Variants in DCAKD observed in about 807,000 individuals in gnomAD.
DCAKD encodes the protein dephospho-CoA kinase domain-containing protein.
DCAKD carries 15 observed loss-of-function variants against 18.7 expected under a neutral mutation model. The ratio of observed to expected loss-of-function variants is 0.80; its 90% CI spans 0.54 to 1.24. The LOEUF (loss-of-function observed/expected upper bound fraction) is 1.24. DCAKD is among the 50% of genes most tolerant of loss of function. The probability of loss-of-function intolerance (pLI) is 0.00; values close to 1 mark genes in which losing one functional copy is unlikely to be tolerated. For missense variants in DCAKD, 301 were observed against 322.0 expected (o/e 0.93, Z 0.50); for synonymous variants, 130 against 133.0 (o/e 0.98, Z 0.16).
chr17:45,044,214 T>TC (rs1207312258), intron 1 of DCAKD, among the ~76,000 whole-genome samples: 1 of 151,168 alleles, frequency 6.6e-6, no homozygotes, highest in Non-Finnish European at 1.5e-5. Flanking sequence ...CTCCAACCAC[T>TC]CCCCCCTACA....
chr17:45,033,927 C>T, intron 3 of DCAKD: 1 of 1,499,790 alleles, frequency 6.7e-7, no homozygotes, highest in Non-Finnish European at 8.9e-7. Flanking sequence ...CTAGAAAAAC[C>T]AACTTACTTC....
chr17:45,058,552 TG>T (rs1295863704), intron 1 of DCAKD, among the ~76,000 whole-genome samples: 1 of 151,908 alleles, frequency 6.6e-6, no homozygotes, highest in Admixed American at 6.6e-5. Context: ...CCCAAGTAGC[TG>T]GGATTATAGG....
Position 45,024,595 on chromosome 17 carries a change from G to T in DCAKD, c.534C>A (p.Asn178Lys). 6.2e-7 allele frequency: 1 copy of T among 1,614,194 alleles called. No homozygotes were observed. The highest frequency in any genetic ancestry group is 2.2e-5 in the East Asian group (1 of 44,884). ...KARMARHVLD[N>K]SGEWSVTKRQ... The stretch of plus-strand genomic sequence containing the variant: ...GTTTGGTGACACTCCACTCGCCCGA[G>T]TTGTCTAGGACATGGCGGGCCATGC... The change falls in exon 5 of 5, where the codon AAC becomes AAA. Residue 178 changes from asparagine to lysine, a missense_variant. Physicochemically the swap from Asn to Lys is moderately conservative, Grantham distance 94. Transcript: ENST00000651974.
chr17:45,046,615 CAAA>C (rs746591313), intron 1 of DCAKD, among the ~76,000 whole-genome samples: 1 of 50,166 alleles, frequency 2.0e-5, no homozygotes. Context: ...GATTCCATCT[CAAA>C]AAAAAAAAAA....
At chr17:45,038,733 G>C (rs1268324461) in intron 1 of DCAKD, among the ~76,000 whole-genome samples, 1 of 152,070 alleles carries the variant, frequency 6.6e-6, no homozygotes, top group Non-Finnish European at 1.5e-5. Flanking sequence ...TGCCTTGACC[G>C]AGTGTCTGTG....
Position 45,024,235 on chromosome 17 carries a change from T to G in DCAKD, c.*198A>C. Reference sequence around the variant, plus strand: ...TTTCTTGATCTCAAATAGGATACACTCCAAAGACGGGATGGCCTGGCACAG... The same window carrying G: ...TTTCTTGATCTCAAATAGGATACACGCCAAAGACGGGATGGCCTGGCACAG... On this transcript the variant is annotated 3_prime_UTR_variant, in exon 5 of 5. Coordinates refer to ENST00000651974, the MANE Select transcript of DCAKD (RefSeq NM_001288655.2). 1.5e-6 allele frequency: 1 copy of G among 673,086 alleles called. No homozygotes were observed. The highest frequency in any genetic ancestry group is 2.4e-6 in the Non-Finnish European group (1 of 417,674). The allele number at this position is 673,086 out of a possible 1,614,324, so 41.7% of individuals were successfully genotyped here.
intron 1 of DCAKD, among the ~76,000 whole-genome samples, chr17:45,060,238 T>C (rs928940226): frequency 2.6e-5 from 4 of 152,066 alleles, no homozygotes; most frequent in Non-Finnish European, 5.9e-5. Context: ...AAAGAGTTGA[T>C]GTGGGCTGGG....
chr17:45,028,099 T>A (rs2143177902), intron 4 of DCAKD, among the ~76,000 whole-genome samples: 1 of 151,394 alleles, frequency 6.6e-6, no homozygotes, highest in East Asian at 2.0e-4. Flanking sequence ...TCTTCTCATC[T>A]ACACTCTAAG....
intron 1 of DCAKD, among the ~76,000 whole-genome samples, chr17:45,038,911 G>A (rs1005014499): frequency 1.3e-5 from 2 of 152,222 alleles, no homozygotes; most frequent in Non-Finnish European, 2.9e-5. Context: ...CATCCACTGA[G>A]CATCTCTGTG....
rs916286343 is a variant in DCAKD, at chr17:45,047,504, C to CTT, written c.-115+3855_-115+3856dup. Among the ~76,000 whole-genome samples, 176 of 124,460 alleles carry CTT rather than the reference C, an allele frequency of 1.4e-3. 1 individual carries two copies. Among genetic ancestry groups the CTT allele is most frequent in the Admixed American group, 2.8e-3 (32 of 11,534 alleles). The allele number at this position is 124,460 out of a possible 152,430, so 81.7% of individuals were successfully genotyped here. A position where few individuals can be genotyped will look rare whatever the true frequency, so the allele number is the denominator to read the frequency against. ...TTTGCTGGGTTGCCCTGGCTAGTCT[C>CTT]TTTTTTTTTTTTTTTTTTTGAGATG... On this transcript the variant is annotated intron_variant, in intron 1 of 4. Transcript: ENST00000651974.
intron 1 of DCAKD, among the ~76,000 whole-genome samples, chr17:45,046,339 C>A (rs1248362579): frequency 2.6e-5 from 4 of 152,142 alleles, no homozygotes; most frequent in African/African-American, 9.7e-5. Context: ...TCTGGCTGGG[C>A]ACGGCGGCTC....
At chr17:45,049,713 C>CTT (rs57106886) in intron 1 of DCAKD, among the ~76,000 whole-genome samples, 15,335 of 111,108 alleles carry the variant, frequency 0.14, 1,410 homozygotes, top group Non-Finnish European at 0.18. Flanking sequence ...TTTTCTTTTC[C>CTT]TTTTTTTTTT....
At chr17:45,044,255 C>T (rs2053510809) in intron 1 of DCAKD, among the ~76,000 whole-genome samples, 1 of 152,132 alleles carries the variant, frequency 6.6e-6, no homozygotes. Flanking sequence ...CCCCAATGTC[C>T]CCACAGTCCC....
At chr17:45,054,250 A>T (rs552339993), upstream of DCAKD, 99 of 425,596 alleles carry the variant, frequency 2.3e-4, no homozygotes, top group South Asian at 5.8e-4. Flanking sequence ...AGACAGTTTT[A>T]TTTATTTTTT....
intron 1 of DCAKD, among the ~76,000 whole-genome samples, chr17:45,040,654 G>A (rs543969573): frequency 2.8e-4 from 42 of 152,246 alleles, no homozygotes; most frequent in Middle Eastern, 3.4e-3. Context: ...TGATCCCAGG[G>A]AAGCCACACC....
chr17:45,048,733 G>C (rs2053626788), intron 1 of DCAKD, among the ~76,000 whole-genome samples: 1 of 152,054 alleles, frequency 6.6e-6, no homozygotes, highest in Non-Finnish European at 1.5e-5. Context: ...TTGAACCTAG[G>C]AGGTAGAGGC....
intron 1 of DCAKD, among the ~76,000 whole-genome samples, chr17:45,050,492 G>C (rs566916353): frequency 2.0e-4 from 30 of 152,206 alleles, no homozygotes; most frequent in Non-Finnish European, 2.4e-4. Context: ...TCAGACCTTG[G>C]TGAAGACAGA....
At chr17:45,029,961 G>A in intron 4 of DCAKD, 131 bp downstream of exon 4, 1 of 811,984 alleles carries the variant, frequency 1.2e-6, no homozygotes, top group East Asian at 2.5e-5. Context: ...TACAGACCCT[G>A]AGCACTGCTG....
At chr17:45,026,781 A>C (rs2053064812) in intron 4 of DCAKD, 1 of 985,324 alleles carries the variant, frequency 1.0e-6, no homozygotes, top group Admixed American at 6.1e-5. Flanking sequence ...GCTGAGAACA[A>C]GGACTAAATC....
Sources: allele counts gnomAD v4.1 joint callset (sites outside exome capture counted in the v4.1 genomes callset), GRCh38; gene constraint gnomAD v4.1.1; transcripts MANE v1.5; gene names NCBI Gene and HGNC (gene_info 2026-07-23, HGNC 2026-07-21).